The following GATAD2B variants were observed in gnomAD, a reference collection of about 807,000 sequenced individuals.
GATAD2B encodes transcriptional repressor p66-beta.
In GATAD2B, 8 loss-of-function variants were observed where a neutral mutation model predicts 64.3. The observed-to-expected ratio is 0.12, with a 90% CI of 0.07 to 0.22. GATAD2B has a LOEUF of 0.22. GATAD2B is among the 10% of genes least tolerant of loss of function. The pLI is 1.00. For missense variants in GATAD2B, 453 were observed against 752.0 expected (o/e 0.60, Z 4.65); for synonymous variants, 281 against 271.3 (o/e 1.04, Z -0.35).
At chr1:153,901,862 A>C (rs1370201106) in intron 1 of GATAD2B, among the ~76,000 whole-genome samples, 1 of 151,236 alleles carries the variant, frequency 6.6e-6, no homozygotes, top group Non-Finnish European at 1.5e-5. Flanking sequence ...TAAATTAAAT[A>C]AAATGGCCCT....
intron 1 of GATAD2B, among the ~76,000 whole-genome samples, chr1:153,831,150 G>A (rs924701678): frequency 4.6e-5 from 7 of 152,148 alleles, no homozygotes; most frequent in African/African-American, 1.7e-4. Flanking sequence ...AGCTTTAGCA[G>A]CCATAAAAAA....
intron 1 of GATAD2B, among the ~76,000 whole-genome samples, chr1:153,920,847 A>T (rs1678408661): frequency 6.6e-6 from 1 of 152,156 alleles, no homozygotes; most frequent in Non-Finnish European, 1.5e-5. Context: ...GGACTAAAAA[A>T]ACTCTATTCC....
At chr1:153,873,911 T>C (rs556705544) in intron 1 of GATAD2B, among the ~76,000 whole-genome samples, 3 of 152,044 alleles carry the variant, frequency 2.0e-5, no homozygotes, top group African/African-American at 7.2e-5. Context: ...ACTGCACAAC[T>C]GCACTCCAGC....
intron 1 of GATAD2B, among the ~76,000 whole-genome samples, chr1:153,850,142 G>C (rs919380155): frequency 6.6e-6 from 1 of 152,086 alleles, no homozygotes; most frequent in Non-Finnish European, 1.5e-5. Flanking sequence ...TTAAACTGTG[G>C]ATCTGTTCCT....
rs576290564 is a variant in GATAD2B, at chr1:153,910,740, A to AAAAT, written c.-2+11989_-2+11992dup. 5.3e-4 allele frequency among the ~76,000 whole-genome samples: 81 copies of AAAAT among 152,296 alleles called. 1 individual carries two copies. The East Asian group carries it at 0.011, about 21-fold the overall frequency. On this transcript the variant is annotated intron_variant, in intron 1 of 10. Transcript: ENST00000368655. ...GGGTGACAGAGCAAGACTCTGTGTC[A>AAAAT]AAATAAATAAATAAATACAATAAAT...
chr1:153,827,710 A>T, intron 2 of GATAD2B: 1 of 342,822 alleles, frequency 2.9e-6, no homozygotes, highest in South Asian at 9.0e-5. Flanking sequence ...GGCCATGAAG[A>T]TTAGAATGAA....
intron 1 of GATAD2B, among the ~76,000 whole-genome samples, chr1:153,909,306 T>G (rs955212836): frequency 2.0e-5 from 3 of 151,882 alleles, no homozygotes; most frequent in African/African-American, 7.2e-5. Flanking sequence ...CTCCGCCTCC[T>G]GGGTTCACGC....
chr1:153,898,287 A>G (rs1298472400), intron 1 of GATAD2B, among the ~76,000 whole-genome samples: 8 of 146,928 alleles, frequency 5.4e-5, no homozygotes, highest in African/African-American at 7.6e-5. Flanking sequence ...GGCCTGGGCA[A>G]CAGAGTAACA....
chr1:153,821,843 G>C (rs1469791324), intron 2 of GATAD2B, among the ~76,000 whole-genome samples: 1 of 151,404 alleles, frequency 6.6e-6, no homozygotes, highest in Non-Finnish European at 1.5e-5. Flanking sequence ...TGAGATTACA[G>C]GCATGAGCGA....
intron 1 of GATAD2B, among the ~76,000 whole-genome samples, chr1:153,845,234 C>T (rs1470525114): frequency 6.6e-6 from 1 of 152,082 alleles, no homozygotes; most frequent in African/African-American, 2.4e-5. Context: ...CTCAGAAATA[C>T]ACCCTAATAT....
intron 6 of GATAD2B, among the ~76,000 whole-genome samples, 183 bp downstream of exon 6, chr1:153,817,189 T>C (rs904652529): frequency 2.6e-5 from 4 of 152,248 alleles, no homozygotes; most frequent in African/African-American, 9.6e-5. Context: ...TCCACTACTA[T>C]TTTAATATAA....
intron 1 of GATAD2B, among the ~76,000 whole-genome samples, chr1:153,913,097 A>T (rs1232327665): frequency 6.8e-6 from 1 of 148,110 alleles, no homozygotes; most frequent in Non-Finnish European, 1.5e-5. Context: ...TCTAAAAAAA[A>T]TTGTATTTTT....
At chr1:153,901,741 T>G (rs1677779839) in intron 1 of GATAD2B, among the ~76,000 whole-genome samples, 2 of 150,970 alleles carry the variant, frequency 1.3e-5, no homozygotes, top group South Asian at 4.2e-4. Context: ...GGAGAATCAC[T>G]TGAACCCAGG....
chr1:153,889,305 G>A (rs1057293352), intron 1 of GATAD2B, among the ~76,000 whole-genome samples: 2 of 151,402 alleles, frequency 1.3e-5, no homozygotes, highest in East Asian at 1.9e-4. Flanking sequence ...CCAGCTACTC[G>A]GTGGGCTGAG....
At chr1:153,891,057 A>G (rs563744271) in intron 1 of GATAD2B, among the ~76,000 whole-genome samples, 1 of 151,972 alleles carries the variant, frequency 6.6e-6, no homozygotes, top group South Asian at 2.1e-4. Context: ...GGTGGTGGGC[A>G]CCTGTAATCC....
intron 1 of GATAD2B, among the ~76,000 whole-genome samples, chr1:153,851,754 A>G (rs748662864): frequency 7.9e-5 from 12 of 152,184 alleles, no homozygotes; most frequent in Non-Finnish European, 1.8e-4. Context: ...ACCAGAGCAG[A>G]CACCAGTTTC....
chr1:153,851,816 G>T (rs1466431607), intron 1 of GATAD2B, among the ~76,000 whole-genome samples: 1 of 152,102 alleles, frequency 6.6e-6, no homozygotes, highest in African/African-American at 2.4e-5. Context: ...GTAACAGAGG[G>T]TAACACAATG....
intron 1 of GATAD2B, among the ~76,000 whole-genome samples, chr1:153,894,582 G>C (rs902064574): frequency 3.3e-5 from 5 of 152,116 alleles, no homozygotes; most frequent in African/African-American, 1.2e-4. Flanking sequence ...AAGTTTACGG[G>C]CCAGGTACAG....
intron 1 of GATAD2B, among the ~76,000 whole-genome samples, chr1:153,891,606 G>C (rs1389604565): frequency 8.0e-5 from 10 of 124,444 alleles, no homozygotes; most frequent in South Asian, 2.8e-4. Flanking sequence ...AAAGAGGTGG[G>C]GGGGAGAGGC....
Sources: allele counts gnomAD v4.1 joint callset (sites outside exome capture counted in the v4.1 genomes callset), GRCh38; gene constraint gnomAD v4.1.1; transcripts MANE v1.5; gene names NCBI Gene and HGNC (gene_info 2026-07-23, HGNC 2026-07-21).